SS18: variants seen among roughly 807,000 people sequenced by gnomAD.
SS18 encodes the protein protein SSXT.
SS18 carries 28 observed loss-of-function variants against 72.5 expected under a neutral mutation model. That is an observed-to-expected ratio of 0.39 (90% CI 0.29 to 0.53). The LOEUF is 0.53. SS18 is among the 20% of genes least tolerant of loss of function. SS18 has a pLI of 0.76. For missense variants in SS18, 518 were observed against 535.3 expected, an observed-to-expected ratio of 0.97 and a Z score of 0.32; for synonymous variants, 172 against 164.2, an observed-to-expected ratio of 1.05 and a Z score of -0.37.
rs574138672 is a variant in SS18 at position 26,077,594 on chromosome 18, C to G, written c.231+482G>C. 3.3e-5 allele frequency among the ~76,000 whole-genome samples: 5 copies of G among 152,156 alleles called. No homozygotes were observed. The East Asian group carries it at 5.8e-4, about 18-fold the overall frequency. On this transcript the variant is annotated intron_variant, in intron 3 of 10. Transcript: ENST00000415083. The stretch of plus-strand genomic sequence containing the variant: ...TTTAGAGTTTTTAATCGCTGCTCGG[C>G]CTTTTGGCTAAGATCACGTGTAAAA...
chr18:26,036,016 A>G, intron 7 of SS18, 93 bp from the exon 8 acceptor site: 1 of 809,898 alleles, frequency 1.2e-6, no homozygotes, highest in Non-Finnish European at 2.0e-6. Flanking sequence ...AATTGAAAAA[A>G]AAGAAAAAGA....
chr18:26,017,866 A>G lies in SS18; in HGVS notation c.*488T>C. On this transcript the variant is annotated 3_prime_UTR_variant, in exon 11 of 11. Coordinates refer to ENST00000415083, the MANE Select transcript of SS18 (RefSeq NM_001007559.3). ...ACCATGTTCCAGTCCACATTAACAG[A>G]GGATTTCTGATGCTGTCCAGTGCGT... 3 of 230,064 alleles carry G rather than the reference A, an allele frequency of 1.3e-5. No homozygotes were observed. Among genetic ancestry groups the G allele is most frequent in the Non-Finnish European group, 2.6e-5 (3 of 116,016 alleles). 14.3% of individuals were successfully genotyped at this position (230,064 alleles called of 1,614,324 possible).
At chr18:26,063,340 A>G (rs2054157730) in intron 3 of SS18, among the ~76,000 whole-genome samples, 1 of 152,144 alleles carries the variant, frequency 6.6e-6, no homozygotes, top group South Asian at 2.1e-4. Flanking sequence ...TAACAAGGTG[A>G]AACCCTGCCT....
intron 5 of SS18, among the ~76,000 whole-genome samples, chr18:26,051,858 A>G (rs2053930040): frequency 6.6e-6 from 1 of 152,222 alleles, no homozygotes; most frequent in South Asian, 2.1e-4. Flanking sequence ...TTATCAACAG[A>G]TTAACACTAA....
At chr18:26,047,605 G>A (rs1047119560) in intron 5 of SS18, among the ~76,000 whole-genome samples, 24 of 151,984 alleles carry the variant, frequency 1.6e-4, no homozygotes, top group Admixed American at 1.5e-3. Flanking sequence ...ACTTTGGGAG[G>A]CCAAGGCGGG....
intron 5 of SS18, among the ~76,000 whole-genome samples, chr18:26,043,557 A>G (rs2143915686): frequency 6.6e-6 from 1 of 152,324 alleles, no homozygotes; most frequent in South Asian, 2.1e-4. Context: ...CTGTATTCCA[A>G]AAAACTCAAT....
intron 1 of SS18, 46 bp downstream of exon 1, chr18:26,090,455 C>T (rs572941038): frequency 8.3e-5 from 127 of 1,538,940 alleles, no homozygotes; most frequent in Admixed American, 2.2e-4. Flanking sequence ...TCTGTCTCTC[C>T]CAGAGGCGGT....
intron 5 of SS18, among the ~76,000 whole-genome samples, chr18:26,050,442 T>TA (rs762247724): frequency 2.0e-5 from 3 of 152,070 alleles, no homozygotes; most frequent in Non-Finnish European, 4.4e-5. Flanking sequence ...ATGAAATGAA[T>TA]ATTAAAACTT....
Position 26,039,160 on chromosome 18 carries a change from C to T in SS18, c.775+129G>A, listed in dbSNP as rs2053676833. 5 of 793,458 alleles carry T rather than the reference C, an allele frequency of 6.3e-6. No homozygotes were observed. In the East Asian group the frequency reaches 1.1e-4, roughly 17 times the overall value. 49.2% of individuals were successfully genotyped at this position (793,458 alleles called of 1,614,324 possible). Reference sequence around the variant, plus strand: ...CCCCTTTGTACTTACTAGAACCCTACCTTTTGTCAAAAAAAAAAAAAAAAA... The same window carrying T: ...CCCCTTTGTACTTACTAGAACCCTATCTTTTGTCAAAAAAAAAAAAAAAAA... On this transcript the variant is annotated intron_variant, in intron 6 of 10. Transcript: ENST00000415083.
intron 9 of SS18, among the ~76,000 whole-genome samples, chr18:26,033,850 G>T (rs962759357): frequency 9.2e-5 from 14 of 151,860 alleles, no homozygotes; most frequent in South Asian, 2.1e-4. Context: ...ACCATTGAAG[G>T]TATTTATCTT....
intron 3 of SS18, among the ~76,000 whole-genome samples, chr18:26,065,800 C>CATATACATATATATATAT (rs2054202384): frequency 1.8e-5 from 1 of 55,578 alleles, no homozygotes; most frequent in African/African-American, 4.8e-5. Flanking sequence ...CCTACAAATC[C>CATATACATATATATATAT]ATATATATAT....
At chr18:26,069,225 T>C (rs1245120881) in intron 3 of SS18, among the ~76,000 whole-genome samples, 2 of 152,142 alleles carry the variant, frequency 1.3e-5, no homozygotes, top group South Asian at 4.1e-4. Flanking sequence ...CCTTTACATG[T>C]TGGACACCAT....
chr18:26,046,089 A>C (rs965994783), intron 5 of SS18, among the ~76,000 whole-genome samples: 1 of 150,192 alleles, frequency 6.7e-6, no homozygotes, highest in African/African-American at 2.5e-5. Flanking sequence ...CGGGAAGCTG[A>C]GGCAGGAGAA....
intron 5 of SS18, among the ~76,000 whole-genome samples, chr18:26,045,664 T>C (rs760756149): frequency 1.3e-5 from 2 of 152,114 alleles, no homozygotes; most frequent in African/African-American, 2.4e-5. Flanking sequence ...AAAGTGTCTA[T>C]AAAACCTTAT....
At chr18:26,018,701 T>A (rs1598516516) in intron 10 of SS18, among the ~76,000 whole-genome samples, 1 of 152,216 alleles carries the variant, frequency 6.6e-6, no homozygotes, top group African/African-American at 2.4e-5. Flanking sequence ...TGAGAAGTTC[T>A]AGTTCTAAAC....
At chr18:26,068,559 T>C (rs1470004156) in intron 3 of SS18, 1 of 152,334 alleles carries the variant, frequency 6.6e-6, no homozygotes, top group East Asian at 1.9e-4. Flanking sequence ...GAATCACACC[T>C]GTAAAAAGGA....
chr18:26,066,600 G>GCACACACACACA (rs35011668), intron 3 of SS18, among the ~76,000 whole-genome samples: 7,351 of 144,328 alleles, frequency 0.051, 281 homozygotes, highest in Admixed American at 0.12. Context: ...GGAAATTTGT[G>GCACACACACACA]CACACACACA....
intron 3 of SS18, among the ~76,000 whole-genome samples, chr18:26,065,512 A>G (rs1258552691): frequency 6.6e-6 from 1 of 152,084 alleles, no homozygotes; most frequent in Non-Finnish European, 1.5e-5. Context: ...CCTATCTCAG[A>G]TTATATACAA....
At chr18:26,027,496 T>C (rs567560021) in intron 10 of SS18, among the ~76,000 whole-genome samples, 1 of 150,806 alleles carries the variant, frequency 6.6e-6, no homozygotes, top group African/African-American at 2.4e-5. Flanking sequence ...AAAATACAAA[T>C]AAAAATAAAT....
Sources: gnomAD v4.1 joint callset for allele counts (sites outside exome capture counted in the v4.1 genomes callset) on GRCh38, gnomAD v4.1.1 for gene constraint, MANE v1.5 for transcripts, NCBI Gene and HGNC (gene_info 2026-07-23, HGNC 2026-07-21) for gene names.